Variants in FRAS1 observed in about 807,000 individuals in gnomAD.
FRAS1 encodes Fraser extracellular matrix complex subunit 1.
Under a neutral mutation model 435.2 loss-of-function variants are expected in FRAS1, and 290 were observed. The observed-to-expected ratio is 0.67, with a 90% confidence interval of 0.61 to 0.73. The LOEUF (loss-of-function observed/expected upper bound fraction) is 0.73, where lower values mean the gene tolerates loss of function less well. Among genes scored for constraint, FRAS1 ranks in the 30% least tolerant of loss-of-function variants. The pLI is 0.00. For missense variants in FRAS1, 4,860 were observed against 5,001.5 expected (o/e 0.97, Z 0.85); for synonymous variants, 1,800 against 1,851.0 (o/e 0.97, Z 0.71).
intron 2 of FRAS1, among the ~76,000 whole-genome samples, chr4:78,207,873 A>G (rs1358525264): frequency 6.6e-6 from 1 of 152,200 alleles, no homozygotes; most frequent in African/African-American, 2.4e-5. Flanking sequence ...TCATGGATAC[A>G]TTTTTGATCA....
intron 26 of FRAS1, among the ~76,000 whole-genome samples, chr4:78,377,214 A>G (rs1424517659): frequency 6.6e-6 from 1 of 152,204 alleles, no homozygotes; most frequent in Non-Finnish European, 1.5e-5. Flanking sequence ...GGCATTTTTT[A>G]ACACTCATAT....
At chr4:78,067,662 T>C (rs1328630813) in intron 2 of FRAS1, among the ~76,000 whole-genome samples, 5 of 137,266 alleles carry the variant, frequency 3.6e-5, no homozygotes, top group Middle Eastern at 3.7e-3. Flanking sequence ...TTTTCTTTTT[T>C]TTTCTTTCTT....
chr4:78,299,939 G>A (rs1342103908), intron 14 of FRAS1, among the ~76,000 whole-genome samples: 3 of 152,230 alleles, frequency 2.0e-5, no homozygotes, highest in African/African-American at 4.8e-5. Context: ...AGCTGAGAAC[G>A]TGCCTTACAT....
intron 59 of FRAS1, among the ~76,000 whole-genome samples, chr4:78,493,737 A>G (rs1040556833): frequency 2.0e-5 from 3 of 152,104 alleles, no homozygotes; most frequent in Non-Finnish European, 4.4e-5. Context: ...GCAAACCACC[A>G]TGACACATGT....
At chr4:78,094,042 G>A (rs568841066) in intron 2 of FRAS1, among the ~76,000 whole-genome samples, 8 of 150,162 alleles carry the variant, frequency 5.3e-5, no homozygotes, top group East Asian at 2.0e-4. Flanking sequence ...GGAAATCACC[G>A]TGCAGTTAGC....
chr4:78,476,511 AG>A (rs1257581668), intron 54 of FRAS1, among the ~76,000 whole-genome samples: 1 of 152,218 alleles, frequency 6.6e-6, no homozygotes, highest in East Asian at 1.9e-4. Flanking sequence ...ATGGCAACAC[AG>A]ATCTCTGTAA....
intron 14 of FRAS1, 70 bp from the exon 15 acceptor site, chr4:78,307,996 A>G (rs2110219853): frequency 4.8e-6 from 7 of 1,465,054 alleles, no homozygotes; most frequent in East Asian, 4.7e-5. Flanking sequence ...ATTCTAAAAT[A>G]TTTAAAAGAA....
intron 2 of FRAS1, among the ~76,000 whole-genome samples, chr4:78,231,182 C>T (rs1350837985): frequency 6.6e-6 from 1 of 152,010 alleles, no homozygotes; most frequent in Non-Finnish European, 1.5e-5. Context: ...GTCTCAAACT[C>T]CTGACCTCGT....
chr4:78,365,746 A>AC (rs1731240762), intron 22 of FRAS1, among the ~76,000 whole-genome samples: 12 of 104,514 alleles, frequency 1.1e-4, no homozygotes, highest in South Asian at 1.1e-3. Context: ...TTAAAAAAAA[A>AC]AAAACAAAAA....
chr4:78,244,803 A>G (rs923893920), intron 3 of FRAS1, among the ~76,000 whole-genome samples: 2 of 152,172 alleles, frequency 1.3e-5, no homozygotes, highest in African/African-American at 4.8e-5. Flanking sequence ...AAAGTTACCT[A>G]TGAGAACTTC....
intron 1 of FRAS1, among the ~76,000 whole-genome samples, chr4:78,059,850 G>C (rs978381272): frequency 6.9e-6 from 1 of 144,190 alleles, no homozygotes; most frequent in Non-Finnish European, 1.5e-5. Flanking sequence ...AGGTGGGGAT[G>C]GGGGGATGTG....
intron 59 of FRAS1, among the ~76,000 whole-genome samples, chr4:78,494,945 A>T (rs1463498487): frequency 1.3e-5 from 2 of 152,212 alleles, no homozygotes; most frequent in Non-Finnish European, 2.9e-5. Context: ...ACTTTACAGA[A>T]TGTCACTAGA....
At chr4:78,194,267 G>A (rs191366859) in intron 2 of FRAS1, among the ~76,000 whole-genome samples, 19 of 152,186 alleles carry the variant, frequency 1.2e-4, no homozygotes, top group African/African-American at 3.6e-4. Context: ...TGCTCTTCTC[G>A]AGGAATATCT....
At position 78,479,681 on chromosome 4, in the gene FRAS1, C is replaced by G. The variant is rs771154796; in HGVS notation, c.8406C>G (p.Ser2802=). The G allele has an allele frequency of 1.2e-6, 2 of 1,604,146 alleles. No individual in the cohort carries two copies. Among genetic ancestry groups the G allele is most frequent in the African/African-American group, 2.7e-5 (2 of 74,824 alleles). Residue 2802 remains serine (S), a synonymous_variant, in exon 56 of 74, where the codon TCC becomes TCG. Transcript: ENST00000512123. ...ISGPNDASTV[S]LGNTAFTVSE... ...GTCCCAACGATGCCTCGACTGTGTC[C>G]CTGGGCAACACGGCTTTCACTGTCA...
At position 78,438,583 on chromosome 4, in the gene FRAS1, C is replaced by A. The variant is rs1267138196; in HGVS notation, c.5231C>A (p.Pro1744His). The change falls in exon 39 of 74, where the codon CCC (proline) becomes CAC (histidine). Residue 1744 changes from proline to histidine, a missense_variant. Physicochemically the swap from Pro to His is moderately conservative, Grantham distance 77. Coordinates refer to ENST00000512123, the MANE Select transcript of FRAS1 (RefSeq NM_025074.7). ...TTGCCTCATTAGGATGATTCTTCCC[C>A]CGACCCAGAGATCTGGATTCAGTTA... ...SHLAYVDDSS[P>H]DPEIWIQLNY... 3 of 1,613,666 alleles carry A rather than the reference C, an allele frequency of 1.9e-6. No individual in the cohort carries two copies. In the Admixed American group the frequency reaches 5.0e-5, roughly 27 times the overall value.
At chr4:78,132,539 C>G (rs1344213562) in intron 2 of FRAS1, among the ~76,000 whole-genome samples, 1 of 152,048 alleles carries the variant, frequency 6.6e-6, no homozygotes, top group East Asian at 1.9e-4. Flanking sequence ...TTGACTAAGT[C>G]AAGGAGACAC....
At chr4:78,399,536 C>T (rs1270150054) in intron 29 of FRAS1, among the ~76,000 whole-genome samples, 1 of 152,104 alleles carries the variant, frequency 6.6e-6, no homozygotes, top group East Asian at 1.9e-4. Context: ...GGGTTTGTGC[C>T]TTGCAAAGCA....
intron 2 of FRAS1, among the ~76,000 whole-genome samples, chr4:78,103,892 C>T (rs1432597603): frequency 1.3e-5 from 2 of 152,182 alleles, no homozygotes; most frequent in African/African-American, 4.8e-5. Flanking sequence ...CGACACAGTT[C>T]TTTATCTTAG....
intron 2 of FRAS1, among the ~76,000 whole-genome samples, chr4:78,230,885 G>A (rs1340928592): frequency 6.6e-6 from 1 of 151,904 alleles, no homozygotes; most frequent in East Asian, 1.9e-4. Context: ...TGTAGTCCAG[G>A]GTCTATCTAC....
Sources: gnomAD v4.1 joint callset for allele counts (sites outside exome capture counted in the v4.1 genomes callset) on GRCh38, gnomAD v4.1.1 for gene constraint, MANE v1.5 for transcripts, NCBI Gene and HGNC (gene_info 2026-07-23, HGNC 2026-07-21) for gene names.